ALG1L2: variants seen among roughly 807,000 people sequenced by gnomAD.
The protein encoded by ALG1L2 is putative glycosyltransferase ALG1L2.
Under a neutral mutation model 29.0 loss-of-function variants are expected in ALG1L2, and 32 were observed. That is an observed-to-expected ratio of 1.10 (90% confidence interval 0.83 to 1.48). The LOEUF (loss-of-function observed/expected upper bound fraction) is 1.48, where lower values mean the gene tolerates loss of function less well. Among genes scored for constraint, ALG1L2 ranks in the 40% most tolerant of loss-of-function variants. The pLI, the probability that ALG1L2 is intolerant of heterozygous loss-of-function variation, is 0.00. For missense variants in ALG1L2, 318 were observed against 274.1 expected (o/e 1.16, Z -1.13); for synonymous variants, 110 against 109.5 (o/e 1.00, Z -0.03).
intron 1 of ALG1L2, among the ~76,000 whole-genome samples, chr3:130,089,084 T>C: frequency 7.7e-6 from 1 of 130,028 alleles, no homozygotes; most frequent in Non-Finnish European, 1.7e-5. Context: ...GGTGACTCCT[T>C]GCACCCCTGG....
At chr3:130,090,125 G>A (rs187611698) in intron 1 of ALG1L2, among the ~76,000 whole-genome samples, 482 of 152,384 alleles carry the variant, frequency 3.2e-3, no homozygotes, top group Non-Finnish European at 4.9e-3. Flanking sequence ...GGCGGCCGAG[G>A]CAGGAGGATT....
intron 1 of ALG1L2, among the ~76,000 whole-genome samples, chr3:130,085,435 C>A (rs1386784573): frequency 1.9e-5 from 2 of 107,400 alleles, no homozygotes; most frequent in Non-Finnish European, 4.4e-5. Flanking sequence ...TAGGAGTCTC[C>A]CTATGTCTGC....
At chr3:130,091,563 G>A (rs561813152) in intron 2 of ALG1L2, among the ~76,000 whole-genome samples, 192 bp downstream of exon 2, 2 of 152,312 alleles carry the variant, frequency 1.3e-5, no homozygotes, top group South Asian at 2.1e-4. Flanking sequence ...GTCTACAGCC[G>A]CCTTTGAGCT....
rs773595033 is a variant in ALG1L2, at chr3:130,096,080, G to A, written c.456G>A (p.Thr152=). The change falls in exon 6 of 8, where the codon ACG becomes ACA. Residue 152 remains threonine, a synonymous_variant. Coordinates refer to ENST00000425059, the MANE Select transcript of ALG1L2 (RefSeq NM_001136152.1). ...TGGACCTGGATGTCTGTCTGGACAC[G>A]TCCTCCAGTGGCCTGGACCTGCCCA... ...GSVDLDVCLD[T]SSSGLDLPMK... is the part of the protein sequence containing the mutation. The A allele has an allele frequency of 1.5e-5, 24 of 1,552,860 alleles. No homozygotes were observed. The highest frequency in any genetic ancestry group is 9.0e-5 in the East Asian group (4 of 44,568).
chr3:130,095,934 C>CG, intron 5 of ALG1L2, 115 bp from the exon 6 acceptor site: 1 of 1,122,136 alleles, frequency 8.9e-7, no homozygotes, highest in Non-Finnish European at 1.3e-6. Context: ...TTGGGGATGT[C>CG]GGGGGCCTTA....
At chr3:130,090,891 G>A (rs1159742269) in intron 1 of ALG1L2, 5 of 249,908 alleles carry the variant, frequency 2.0e-5, no homozygotes, top group Non-Finnish European at 3.9e-5. Flanking sequence ...CCCCTGGTTC[G>A]TGCTTTAGCG....
At position 130,098,123 on chromosome 3, in the gene ALG1L2, G is replaced by A. The variant is rs1415592718; in HGVS notation, c.616-100G>A. On this transcript the variant is annotated intron_variant, in intron 7 of 7. Coordinates refer to ENST00000425059, the MANE Select transcript of ALG1L2 (RefSeq NM_001136152.1). Reference sequence around the variant, plus strand: ...CTCAAGTCCAAGTGAGGGAGCTAGGGACTTGGGAGGGGTTGTTGTTGGGTC... The same window carrying A: ...CTCAAGTCCAAGTGAGGGAGCTAGGAACTTGGGAGGGGTTGTTGTTGGGTC... 2.8e-5 allele frequency: 42 copies of A among 1,508,958 alleles called. No homozygotes were observed. The Admixed American group carries it at 7.9e-4, about 28-fold the overall frequency. 93.5% of individuals were successfully genotyped at this position (1,508,958 alleles called of 1,614,324 possible).
At chr3:130,090,903 C>T (rs886532720) in intron 1 of ALG1L2, 22 of 255,164 alleles carry the variant, frequency 8.6e-5, no homozygotes, top group African/African-American at 4.7e-4. Context: ...GCTTTAGCGA[C>T]ACCCACAGGA....
rs1249827764 is a variant in ALG1L2, at chr3:130,094,344, G to T, written c.314-59G>T. 4.8e-5 allele frequency: 75 copies of T among 1,561,338 alleles called. No homozygotes were observed. The Middle Eastern group carries it at 1.4e-3, about 29-fold the overall frequency. On this transcript the variant is annotated intron_variant, in intron 4 of 7. Coordinates refer to ENST00000425059, the MANE Select transcript of ALG1L2 (RefSeq NM_001136152.1). ...TCCTAGGGGGGAGTGTCTTGGGCCTGGGGCTATGTGGCAGGGACAGAGACG... is the reference window on the plus strand; with the variant it reads ...TCCTAGGGGGGAGTGTCTTGGGCCTTGGGCTATGTGGCAGGGACAGAGACG...
chr3:130,091,863 A>G (rs1935020516), intron 2 of ALG1L2: 1 of 753,234 alleles, frequency 1.3e-6, no homozygotes, highest in African/African-American at 1.7e-5. Context: ...ACAAGACAGT[A>G]AGTCCTGTGG....
At chr3:130,084,609 A>C (rs377203542) in intron 1 of ALG1L2, among the ~76,000 whole-genome samples, 3,404 of 76,018 alleles carry the variant, frequency 0.045, 85 homozygotes, top group Middle Eastern at 0.12. Context: ...AGGGCTCAGA[A>C]TGCTGCTGTA....
intron 4 of ALG1L2, among the ~76,000 whole-genome samples, 185 bp downstream of exon 4, chr3:130,093,345 G>C (rs1282473068): frequency 6.6e-6 from 1 of 152,076 alleles, no homozygotes; most frequent in Non-Finnish European, 1.5e-5. Context: ...AGCAGGGCAG[G>C]GAGCCCAGAT....
chr3:130,096,388 G>A (rs1425040993), intron 6 of ALG1L2, among the ~76,000 whole-genome samples: 1 of 151,896 alleles, frequency 6.6e-6, no homozygotes, highest in Non-Finnish European at 1.5e-5. Flanking sequence ...TGGTACAAAA[G>A]TAATCACGGT....
intron 1 of ALG1L2, among the ~76,000 whole-genome samples, chr3:130,086,227 GC>G (rs1934888422): frequency 6.6e-6 from 1 of 151,188 alleles, no homozygotes; most frequent in African/African-American, 2.4e-5. Context: ...CAGCTGACAG[GC>G]GCTAGCGCAC....
In ALG1L2 at chr3:130,098,281, C is replaced by T. The variant is rs568716334; in HGVS notation, c.*26C>T. On this transcript the variant is annotated 3_prime_UTR_variant, in exon 8 of 8. Coordinates refer to ENST00000425059, the MANE Select transcript of ALG1L2 (RefSeq NM_001136152.1). ...TCCTGAAGGCAAGCTAAACCAGTTCCGGAAGAACCTGCGGGAGTCGCAGCA... is the reference window on the plus strand; with the variant it reads ...TCCTGAAGGCAAGCTAAACCAGTTCTGGAAGAACCTGCGGGAGTCGCAGCA... 141 of 1,596,390 alleles carry T rather than the reference C, an allele frequency of 8.8e-5. No homozygotes were observed. Among genetic ancestry groups the T allele is most frequent in the African/African-American group, 8.1e-4 (61 of 74,934 alleles).
chr3:130,089,615 A>G (rs1196964247), intron 1 of ALG1L2: 4 of 152,294 alleles, frequency 2.6e-5, no homozygotes, highest in Admixed American at 6.5e-5. Flanking sequence ...CACCCCTTTT[A>G]CTTTTTCTAA....
At chr3:130,088,435 T>C (rs1278861245) in intron 1 of ALG1L2, among the ~76,000 whole-genome samples, 1 of 5,344 alleles carries the variant, frequency 1.9e-4, no homozygotes, top group African/African-American at 1.6e-3. Context: ...TTTCTTTTTC[T>C]GAGACCGAGT....
At chr3:130,088,009 G>T (rs1191448277) in intron 1 of ALG1L2, among the ~76,000 whole-genome samples, 161 of 151,682 alleles carry the variant, frequency 1.1e-3, no homozygotes, top group African/African-American at 3.9e-3. Flanking sequence ...TGACAGGAAA[G>T]TTCTAGGCTG....
At chr3:130,092,793 G>T (rs1045784093) in intron 3 of ALG1L2, among the ~76,000 whole-genome samples, 3 of 152,174 alleles carry the variant, frequency 2.0e-5, no homozygotes, top group Admixed American at 2.0e-4. Context: ...AACTCTGGGA[G>T]GCCGAGGCAG....
Sources: gnomAD v4.1 joint callset for allele counts (sites outside exome capture counted in the v4.1 genomes callset) on GRCh38, gnomAD v4.1.1 for gene constraint, MANE v1.5 for transcripts, NCBI Gene and HGNC (gene_info 2026-07-23, HGNC 2026-07-21) for gene names.